Variants in SGCE observed in about 807,000 individuals in gnomAD.
SGCE encodes the protein sarcoglycan epsilon.
In SGCE, 26 loss-of-function variants were observed where a neutral mutation model predicts 57.8. That is an observed-to-expected ratio of 0.45 (90% confidence interval 0.33 to 0.62). The LOEUF is 0.62. SGCE is among the 20% of genes least tolerant of loss of function. The pLI is 0.02. For synonymous variants in SGCE, 183 were observed against 189.5 expected, an observed-to-expected ratio of 0.97 and a Z score of 0.28; for missense variants, 468 against 548.6, an observed-to-expected ratio of 0.85 and a Z score of 1.47.
At chr7:94,643,297 T>C (rs1042524802) in intron 1 of SGCE, among the ~76,000 whole-genome samples, 2 of 152,226 alleles carry the variant, frequency 1.3e-5, no homozygotes, top group South Asian at 2.1e-4. Flanking sequence ...AGTGAATCAA[T>C]GCATCATTGC....
chr7:94,604,197 T>C (rs1799693403), intron 5 of SGCE, among the ~76,000 whole-genome samples: 1 of 152,084 alleles, frequency 6.6e-6, no homozygotes, highest in African/African-American at 2.4e-5. Context: ...TTGGAGCAGC[T>C]TGAGAAGATA....
In SGCE at chr7:94,648,207, T is replaced by C. The variant is rs143678132; in HGVS notation, c.109+7783A>G. On this transcript the variant is annotated intron_variant, in intron 1 of 10. Transcript: ENST00000648936. ...GGCCAACGTGGTGAAACTCCGTCTT[T>C]ACTAAAAATACAAAAAAATTAGCTG... Among the ~76,000 whole-genome samples, 337 of 151,760 alleles carry C rather than the reference T, an allele frequency of 2.2e-3. 2 individuals are homozygous for C. The highest frequency in any genetic ancestry group is 7.9e-3 in the African/African-American group (327 of 41,390).
At chr7:94,586,308 T>TAAAAG (rs923538578) in intron 10 of SGCE, among the ~76,000 whole-genome samples, 1 of 151,970 alleles carries the variant, frequency 6.6e-6, no homozygotes, top group African/African-American at 2.4e-5. Context: ...ATAATCAGGG[T>TAAAAG]AAAAGAAAAG....
In SGCE at chr7:94,623,309, A is replaced by G. The variant is rs2116917465; in HGVS notation, c.463+16T>C. ...TTCTTATAAATAAGAAATGATCAAC[A>G]TATTTTCATACCTACCTTCTGCAGA... On this transcript the variant is annotated intron_variant, in intron 4 of 10. Coordinates refer to ENST00000648936, the MANE Select transcript of SGCE (RefSeq NM_003919.3). 1.4e-6 allele frequency: 2 copies of G among 1,469,406 alleles called. No homozygotes were observed. The highest frequency in any genetic ancestry group is 1.9e-6 in the Non-Finnish European group (2 of 1,056,202). 91.0% of individuals were successfully genotyped at this position (1,469,406 alleles called of 1,614,324 possible).
rs1469788877 is a variant in SGCE, at chr7:94,586,076, A to C, written c.1298-561T>G. ...GGAACTAAATGAAAAAAAAAAAAAA[A>C]AAAAAAAAAAACAACAACTTCAAGA... On this transcript the variant is annotated intron_variant, in intron 10 of 10. Transcript: ENST00000648936. Among the ~76,000 whole-genome samples the C allele has an allele frequency of 3.3e-5, 5 of 150,370 alleles. 1 individual carries two copies. Among genetic ancestry groups the C allele is most frequent in the African/African-American group, 9.7e-5 (4 of 41,222 alleles).
At chr7:94,628,065 G>T in intron 3 of SGCE, 137 bp downstream of exon 3, 1 of 663,888 alleles carries the variant, frequency 1.5e-6, no homozygotes, top group Non-Finnish European at 2.7e-6. Context: ...TATCTACTGT[G>T]TTTCCATGCA....
chr7:94,608,349 T>C (rs1800483330), intron 5 of SGCE, among the ~76,000 whole-genome samples: 1 of 151,938 alleles, frequency 6.6e-6, no homozygotes, highest in Non-Finnish European at 1.5e-5. Flanking sequence ...TACTTAAATA[T>C]AAATATAAGT....
chr7:94,588,639 A>G, intron 10 of SGCE, 50 bp downstream of exon 10: 1 of 1,561,956 alleles, frequency 6.4e-7, no homozygotes, highest in Non-Finnish European at 8.8e-7. Context: ...ATTATCTTTT[A>G]ATCTATTAGA....
At chr7:94,604,120 A>G (rs150526829) in intron 5 of SGCE, among the ~76,000 whole-genome samples, 2 of 152,260 alleles carry the variant, frequency 1.3e-5, no homozygotes, top group Non-Finnish European at 2.9e-5. Flanking sequence ...TTATGGGGAA[A>G]GATCTCTACT....
At chr7:94,639,030 A>G (rs1806006922) in intron 1 of SGCE, among the ~76,000 whole-genome samples, 1 of 152,224 alleles carries the variant, frequency 6.6e-6, no homozygotes, top group East Asian at 1.9e-4. Context: ...TAACCACAGT[A>G]GGACAATTTT....
At chr7:94,586,060 T>TAAAAAAAAAAAAAAAAAAAAAAAA (rs1796844570) in intron 10 of SGCE, among the ~76,000 whole-genome samples, 1 of 5,940 alleles carries the variant, frequency 1.7e-4, no homozygotes, top group South Asian at 2.0e-3. Flanking sequence ...AGGAACTAAA[T>TAAAAAAAAAAAAAAAAAAAAAAAA]GAAAAAAAAA....
At chr7:94,622,581 A>T (rs1054142985) in intron 4 of SGCE, 3 of 151,344 alleles carry the variant, frequency 2.0e-5, no homozygotes, top group Non-Finnish European at 4.4e-5. Flanking sequence ...GTTAGCCGAG[A>T]TGGTGCCATT....
In SGCE at chr7:94,629,758, C is replaced by G. The variant is rs1064797339; in HGVS notation, c.193G>C (p.Glu65Gln). The G allele has an allele frequency of 1.9e-6, 3 of 1,611,204 alleles. No individual in the cohort carries two copies. In the African/African-American group the frequency reaches 4.0e-5, roughly 22 times the overall value. Residue 65 changes from glutamate (E) to glutamine (Q), a missense_variant, in exon 2 of 11, where the codon GAA becomes CAA. By Grantham distance (29) the Glu-to-Gln change is conservative. Coordinates refer to ENST00000648936, the MANE Select transcript of SGCE (RefSeq NM_003919.3). ...GVLFVHVLER[E>Q]YFKGEFPPYP... ...GGTGGAAATTCCCCCTTAAAATATTCTCTTTCCAAAACATGAACAAAGAGG... is the reference window on the plus strand; with the variant it reads ...GGTGGAAATTCCCCCTTAAAATATTGTCTTTCCAAAACATGAACAAAGAGG...
intron 1 of SGCE, among the ~76,000 whole-genome samples, chr7:94,638,459 C>T (rs1449600312): frequency 6.6e-6 from 1 of 152,062 alleles, no homozygotes; most frequent in African/African-American, 2.4e-5. Flanking sequence ...CCTACAAGTA[C>T]CCAGCAGGTT....
chr7:94,586,328 C>T lies in SGCE; in HGVS notation c.1298-813G>A, dbSNP rs541956695. 7.9e-5 allele frequency among the ~76,000 whole-genome samples: 12 copies of T among 152,020 alleles called. No homozygotes were observed. In the East Asian group the frequency reaches 9.7e-4, roughly 12 times the overall value. On this transcript the variant is annotated intron_variant, in intron 10 of 10. Coordinates refer to ENST00000648936, the MANE Select transcript of SGCE (RefSeq NM_003919.3). ...CAGGGTAAAAGAAAAGAAAAGCTGC[C>T]GTACTCACAAAAATATATAAACAGC...
At chr7:94,589,310 T>C (rs1318306667) in intron 9 of SGCE, 1 of 156,306 alleles carries the variant, frequency 6.4e-6, no homozygotes, top group African/African-American at 2.4e-5. Flanking sequence ...TAGGGACTTT[T>C]GACATTTCTT....
Position 94,641,546 on chromosome 7 carries a change from G to C in SGCE, c.110-11705C>G, listed in dbSNP as rs1806380915. On this transcript the variant is annotated intron_variant, in intron 1 of 10. Coordinates refer to ENST00000648936, the MANE Select transcript of SGCE (RefSeq NM_003919.3). ...AATCCAAGAAAAGGTAGAATGGGTA[G>C]GACCAAGCATGTGGAAGTAAGGAAA... Among the ~76,000 whole-genome samples, 4 of 152,196 alleles carry C rather than the reference G, an allele frequency of 2.6e-5. No homozygotes were observed. The South Asian group carries it at 8.3e-4, about 32-fold the overall frequency.
At chr7:94,630,787 C>G (rs1035351059) in intron 1 of SGCE, among the ~76,000 whole-genome samples, 2 of 151,972 alleles carry the variant, frequency 1.3e-5, no homozygotes, top group African/African-American at 4.8e-5. Flanking sequence ...CCAGTTCTTT[C>G]TTTTAAGTCA....
chr7:94,619,051 T>A, intron 4 of SGCE, 95 bp from the exon 5 acceptor site: 1 of 874,038 alleles, frequency 1.1e-6, no homozygotes, highest in Non-Finnish European at 1.9e-6. Context: ...AGTTCTGTCA[T>A]AATCCTGGCA....
Sources: gnomAD v4.1 joint callset for allele counts (sites outside exome capture counted in the v4.1 genomes callset) on GRCh38, gnomAD v4.1.1 for gene constraint, MANE v1.5 for transcripts, NCBI Gene and HGNC (gene_info 2026-07-23, HGNC 2026-07-21) for gene names.